SH3PXD2B: variants seen among roughly 807,000 people sequenced by gnomAD.
SH3PXD2B encodes SH3 and PX domain-containing protein 2B.
In SH3PXD2B, 37 loss-of-function variants were observed where a neutral mutation model predicts 73.1. The observed-to-expected ratio is 0.51, with a 90% CI of 0.39 to 0.67. SH3PXD2B has a LOEUF of 0.67. SH3PXD2B is among the 30% of genes least tolerant of loss of function. SH3PXD2B has a pLI of 0.00. For synonymous variants in SH3PXD2B, 457 were observed against 480.5 expected (o/e 0.95, Z 0.64); for missense variants, 1,053 against 1,197.8 (o/e 0.88, Z 1.78).
chr5:172,383,260 T>A (rs1430417792), intron 4 of SH3PXD2B, among the ~76,000 whole-genome samples: 3 of 152,196 alleles, frequency 2.0e-5, no homozygotes, highest in Admixed American at 2.0e-4. Context: ...TTGAAACAGA[T>A]CTTCCACTGG....
chr5:172,385,107 G>T (rs1758030285), intron 4 of SH3PXD2B, among the ~76,000 whole-genome samples: 1 of 152,070 alleles, frequency 6.6e-6, no homozygotes, highest in Non-Finnish European at 1.5e-5. Context: ...AGCAGTGAGT[G>T]GTCATTCTCC....
Position 172,339,467 on chromosome 5 carries a change from C to G in SH3PXD2B, c.1638G>C (p.Thr546=), listed in dbSNP as rs73317800. ...LLERERERQR[T]EQLRGPTPKP... is the part of the protein sequence containing the mutation. ...TGGGAGTGGGGCCCCGGAGCTGCTCCGTCCTCTGCCGCTCCCGCTCCCGCT... is the reference window on the plus strand; with the variant it reads ...TGGGAGTGGGGCCCCGGAGCTGCTCGGTCCTCTGCCGCTCCCGCTCCCGCT... Residue 546 remains threonine (T), a synonymous_variant, in exon 13 of 13, where the codon ACG becomes ACC. Transcript: ENST00000311601. The surrounding 1 kb of genome is among the most constrained non-coding windows in gnomAD (Gnocchi z 6.1). 17 of 1,613,664 alleles carry G rather than the reference C, an allele frequency of 1.1e-5. No individual in the cohort carries two copies. The highest frequency in any genetic ancestry group is 1.4e-5 in the Non-Finnish European group (16 of 1,179,842).
chr5:172,443,493 T>G (rs538270199), intron 1 of SH3PXD2B, among the ~76,000 whole-genome samples: 1 of 152,336 alleles, frequency 6.6e-6, no homozygotes, highest in South Asian at 2.1e-4. Flanking sequence ...CACCTCTCTG[T>G]CCCAGCAGGA....
At chr5:172,325,595 G>C (rs1756432829) in intron 12 of SH3PXD2B, among the ~76,000 whole-genome samples, 1 of 152,182 alleles carries the variant, frequency 6.6e-6, no homozygotes, top group Admixed American at 6.5e-5. Context: ...GGGTCCTCAC[G>C]TGGTGAAAGG....
In SH3PXD2B at chr5:172,335,910, T is replaced by G. The variant is rs1451264680; in HGVS notation, c.*2459A>C. ...GTGGCTTCAGTACCCGCGGGTCATG[T>G]CAGAATAATCATCATCATCATAGCA... is the stretch of plus-strand genomic sequence containing the variant. On this transcript the variant is annotated 3_prime_UTR_variant, in exon 13 of 13. Coordinates refer to ENST00000311601, the MANE Select transcript of SH3PXD2B (RefSeq NM_001017995.3). 8.3e-7 allele frequency: 1 copy of G among 1,199,678 alleles called. No individual in the cohort carries two copies. 74.3% of individuals were successfully genotyped at this position (1,199,678 alleles called of 1,614,324 possible).
chr5:172,352,096 G>A (rs868070176), intron 9 of SH3PXD2B, among the ~76,000 whole-genome samples: 4 of 152,112 alleles, frequency 2.6e-5, no homozygotes, highest in Admixed American at 1.3e-4. Context: ...CTATAACCTC[G>A]GGAGAGACCT....
chr5:172,370,771 A>T (rs1308665922), intron 6 of SH3PXD2B, among the ~76,000 whole-genome samples: 1 of 152,228 alleles, frequency 6.6e-6, no homozygotes, highest in African/African-American at 2.4e-5. Flanking sequence ...TGATGAAAAA[A>T]GGTTCATTCA....
chr5:172,346,322 A>AG lies in SH3PXD2B; in HGVS notation c.1063-62dup. The AG allele has an allele frequency of 2.5e-6, 4 of 1,609,670 alleles. No homozygotes were observed. In the South Asian group the frequency reaches 4.4e-5, roughly 18 times the overall value. Reference sequence around the variant, plus strand: ...AAGTGCACTCCTGCGACCCTGTGTCAGGGGGAGTCTAAGGGCCTGGGGCAT... The same window carrying AG: ...AAGTGCACTCCTGCGACCCTGTGTCAGGGGGGAGTCTAAGGGCCTGGGGCAT... On this transcript the variant is annotated intron_variant, in intron 11 of 12. Transcript: ENST00000311601.
chr5:172,441,702 G>A (rs1759553009), intron 1 of SH3PXD2B, among the ~76,000 whole-genome samples: 1 of 152,094 alleles, frequency 6.6e-6, no homozygotes, highest in African/African-American at 2.4e-5. Flanking sequence ...TCTTGACAAT[G>A]CCCCAACCGA....
chr5:172,418,597 G>C (rs1009861289), intron 2 of SH3PXD2B, among the ~76,000 whole-genome samples: 7 of 152,202 alleles, frequency 4.6e-5, no homozygotes, highest in African/African-American at 1.7e-4. Context: ...AGGCCCGCAA[G>C]GGCTGGTGCG....
intron 5 of SH3PXD2B, among the ~76,000 whole-genome samples, chr5:172,381,620 G>A (rs1432834126): frequency 2.0e-5 from 3 of 152,276 alleles, no homozygotes; most frequent in South Asian, 2.1e-4. Context: ...TCCCGGCCCC[G>A]TTGCTCACCG....
chr5:172,373,210 G>T (rs1051552999), intron 6 of SH3PXD2B, among the ~76,000 whole-genome samples: 2 of 152,204 alleles, frequency 1.3e-5, no homozygotes, highest in Non-Finnish European at 2.9e-5. Flanking sequence ...AATGGACATG[G>T]CCCAAATCTA....
chr5:172,419,311 C>G (rs2113458460), intron 2 of SH3PXD2B, among the ~76,000 whole-genome samples: 1 of 151,918 alleles, frequency 6.6e-6, no homozygotes, highest in Middle Eastern at 3.4e-3. Context: ...TAAGCACTTC[C>G]AGGGCCCCCT....
At chr5:172,328,480 T>G (rs970427882) in intron 12 of SH3PXD2B, among the ~76,000 whole-genome samples, 25 of 152,148 alleles carry the variant, frequency 1.6e-4, no homozygotes, top group Non-Finnish European at 2.5e-4. Flanking sequence ...ATTACAGGTG[T>G]TAGCCACCAC....
intron 12 of SH3PXD2B, among the ~76,000 whole-genome samples, chr5:172,342,651 C>T (rs1052648212): frequency 2.6e-5 from 4 of 152,106 alleles, no homozygotes; most frequent in African/African-American, 9.7e-5. Flanking sequence ...ATCCCAGCTA[C>T]GCGGGAGGCT....
intron 1 of SH3PXD2B, among the ~76,000 whole-genome samples, chr5:172,439,295 C>CAAA (rs946794676): frequency 7.9e-6 from 1 of 126,216 alleles, no homozygotes; most frequent in African/African-American, 3.5e-5. Flanking sequence ...AAAAAAACCC[C>CAAA]AAAAAAAAAC....
In SH3PXD2B at chr5:172,423,550, G is replaced by GT. The variant is rs1296185872; in HGVS notation, c.76-1055_76-1054insA. ...CACCCACTTGGATACGGGGTTGGGGGGGGGGGCGCACATTCTCTGTTCATG... is the reference window on the plus strand; with the variant it reads ...CACCCACTTGGATACGGGGTTGGGGGTGGGGGGCGCACATTCTCTGTTCATG... On this transcript the variant is annotated intron_variant, in intron 1 of 12. Transcript: ENST00000311601. Among the ~76,000 whole-genome samples, 3 of 146,050 alleles carry GT rather than the reference G, an allele frequency of 2.1e-5. No homozygotes were observed. The South Asian group carries it at 6.9e-4, about 34-fold the overall frequency.
chr5:172,435,187 C>T (rs1054709450), intron 1 of SH3PXD2B, among the ~76,000 whole-genome samples: 7 of 152,126 alleles, frequency 4.6e-5, no homozygotes, highest in African/African-American at 1.7e-4. Flanking sequence ...ATTTCATTTC[C>T]TTCTATTTTT....
In SH3PXD2B at chr5:172,368,542, AAT is replaced by A. The variant is rs1371286214; in HGVS notation, c.427+5246_427+5247del. Among the ~76,000 whole-genome samples, 24 of 18,628 alleles carry A rather than the reference AAT, an allele frequency of 1.3e-3. 1 individual carries two copies. Among genetic ancestry groups the A allele is most frequent in the African/African-American group, 2.0e-3 (5 of 2,474 alleles). 12.2% of individuals were successfully genotyped at this position (18,628 alleles called of 152,430 possible). ...ATATATATATTATATATATATATAA[AAT>A]ATATATATATTATATATATATAAAA... On this transcript the variant is annotated intron_variant, in intron 6 of 12. Transcript: ENST00000311601.
Sources: allele counts gnomAD v4.1 joint callset (sites outside exome capture counted in the v4.1 genomes callset), GRCh38; gene constraint gnomAD v4.1.1; non-coding constraint Gnocchi (gnomAD v3.1); transcripts MANE v1.5; gene names NCBI Gene and HGNC (gene_info 2026-07-23, HGNC 2026-07-21).